TENM3: variants seen among roughly 807,000 people sequenced by gnomAD.
TENM3 encodes the protein teneurin-3.
Under a neutral mutation model 255.1 loss-of-function variants are expected in TENM3, and 63 were observed. That is an observed-to-expected ratio of 0.25 (90% CI 0.20 to 0.30). The LOEUF is 0.30. Ranked by LOEUF, TENM3 falls within the 10% of genes least tolerant of loss-of-function variation. TENM3 has a pLI of 1.00. For synonymous variants in TENM3, 1,306 were observed against 1,322.3 expected (o/e 0.99, Z 0.27); for missense variants, 2,929 against 3,461.1 (o/e 0.85, Z 3.86).
chr4:181,542,924 C>T, the TENM3 span, among the ~76,000 whole-genome samples: 1 of 152,208 alleles, frequency 6.6e-6, no homozygotes, highest in African/African-American at 2.4e-5. Context: ...CCCCCATCCC[C>T]TACATTACTT....
chr4:182,097,939 C>A, the TENM3 span, among the ~76,000 whole-genome samples: 1 of 151,956 alleles, frequency 6.6e-6, no homozygotes, highest in East Asian at 1.9e-4. Context: ...AATTCAGACC[C>A]CAAGCAAATG....
chr4:182,076,700 G>T, the TENM3 span, among the ~76,000 whole-genome samples: 4 of 152,116 alleles, frequency 2.6e-5, no homozygotes, highest in Non-Finnish European at 5.9e-5. Flanking sequence ...AACCCTGAGA[G>T]TTTAACTCAG....
chr4:181,906,729 T>C, the TENM3 span, among the ~76,000 whole-genome samples: 1 of 152,162 alleles, frequency 6.6e-6, no homozygotes, highest in Admixed American at 6.6e-5. Context: ...TTGTTTTTGT[T>C]TAGAGATGGG....
At chr4:181,688,114 C>T in the TENM3 span, among the ~76,000 whole-genome samples, 2 of 152,074 alleles carry the variant, frequency 1.3e-5, no homozygotes, top group Non-Finnish European at 2.9e-5. Flanking sequence ...TTTCTAGAAC[C>T]TGTGGAATGA....
chr4:181,725,369 C>A, the TENM3 span, among the ~76,000 whole-genome samples: 3 of 151,604 alleles, frequency 2.0e-5, no homozygotes, highest in East Asian at 3.9e-4. Context: ...TACATTGTTA[C>A]ACCATTTAAA....
chr4:182,285,906 A>G (rs1298624925), intron 1 of TENM3, among the ~76,000 whole-genome samples: 1 of 152,220 alleles, frequency 6.6e-6, no homozygotes. Context: ...TTGATAAATA[A>G]TAATTACAAT....
intron 3 of TENM3, among the ~76,000 whole-genome samples, chr4:182,374,632 C>A (rs906413265): frequency 2.7e-4 from 41 of 152,158 alleles, no homozygotes; most frequent in Admixed American, 2.5e-3. Context: ...CTTTCCATTG[C>A]CATGTACTTC....
chr4:182,324,307 G>T, intron 2 of TENM3, 55 bp downstream of exon 2: 1 of 1,339,048 alleles, frequency 7.5e-7, no homozygotes. Flanking sequence ...ACTTGTAGGT[G>T]TCGTGATTTT....
At chr4:181,719,235 T>TA in the TENM3 span, among the ~76,000 whole-genome samples, 2 of 150,830 alleles carry the variant, frequency 1.3e-5, no homozygotes, top group African/African-American at 2.4e-5. Context: ...AATAAATAAA[T>TA]AAATAAAATA....
intron 3 of TENM3, among the ~76,000 whole-genome samples, chr4:182,502,542 A>G (rs1196749236): frequency 6.6e-6 from 1 of 151,996 alleles, no homozygotes; most frequent in African/African-American, 2.4e-5. Flanking sequence ...GAGATCACTC[A>G]TCTTTTGTTT....
intron 4 of TENM3, among the ~76,000 whole-genome samples, chr4:182,602,695 A>G (rs921460834): frequency 6.6e-6 from 1 of 152,232 alleles, no homozygotes; most frequent in Non-Finnish European, 1.5e-5. Flanking sequence ...ATTTCTCTTC[A>G]CTTAAGACAC....
intron 3 of TENM3, among the ~76,000 whole-genome samples, chr4:182,418,002 T>A (rs1032658095): frequency 2.0e-5 from 3 of 152,082 alleles, no homozygotes; most frequent in Non-Finnish European, 4.4e-5. Context: ...TTGAAAAAAA[T>A]TCTATAATTT....
chr4:182,576,897 C>A (rs1744978977), intron 3 of TENM3, among the ~76,000 whole-genome samples: 1 of 152,186 alleles, frequency 6.6e-6, no homozygotes, highest in African/African-American at 2.4e-5. Flanking sequence ...GGATAATATG[C>A]AAATGCCGAA....
At position 182,409,444 on chromosome 4, in the gene TENM3, A is replaced by G. The variant is rs1769819683; in HGVS notation, c.511+62515A>G. 1.3e-5 allele frequency among the ~76,000 whole-genome samples: 2 copies of G among 152,330 alleles called. 1 individual carries two copies. The highest frequency in any genetic ancestry group is 4.1e-4 in the South Asian group (2 of 4,824). On this transcript the variant is annotated intron_variant, in intron 3 of 27. Coordinates refer to ENST00000511685, the MANE Select transcript of TENM3 (RefSeq NM_001080477.4). ...GCCTCCTGGTCTCATTTTAACTGTA[A>G]TAGCCCCAGGAGCTTTGGCTGCGGT...
At chr4:181,727,671 T>C in the TENM3 span, among the ~76,000 whole-genome samples, 3 of 152,262 alleles carry the variant, frequency 2.0e-5, no homozygotes, top group Non-Finnish European at 4.4e-5. Context: ...TTTACTACAA[T>C]ACTTTCAAAT....
chr4:182,670,893 C>G (rs1407154961), intron 6 of TENM3, among the ~76,000 whole-genome samples: 1 of 152,148 alleles, frequency 6.6e-6, no homozygotes, highest in East Asian at 1.9e-4. Context: ...CTTCAAGTAT[C>G]TGTTTGAAAA....
chr4:182,669,180 T>C (rs1754979832), intron 6 of TENM3, among the ~76,000 whole-genome samples: 1 of 152,184 alleles, frequency 6.6e-6, no homozygotes, highest in African/African-American at 2.4e-5. Flanking sequence ...ATTAGTTTCA[T>C]GTAGAAGTCA....
the TENM3 span, among the ~76,000 whole-genome samples, chr4:181,845,522 CACAT>C: frequency 5.9e-5 from 9 of 152,140 alleles, no homozygotes; most frequent in Non-Finnish European, 1.0e-4. Flanking sequence ...CACATACACA[CACAT>C]ACATACAACC....
intron 3 of TENM3, among the ~76,000 whole-genome samples, chr4:182,416,985 T>G (rs970046591): frequency 1.9e-4 from 29 of 152,266 alleles, no homozygotes; most frequent in East Asian, 3.9e-4. Flanking sequence ...TGTTGTTGTT[T>G]TTTTCTGAGA....
Sources: gnomAD v4.1 joint callset for allele counts (sites outside exome capture counted in the v4.1 genomes callset) on GRCh38, gnomAD v4.1.1 for gene constraint, MANE v1.5 for transcripts, NCBI Gene and HGNC (gene_info 2026-07-23, HGNC 2026-07-21) for gene names.